CPPED1: variants seen among roughly 807,000 people sequenced by gnomAD.
CPPED1 encodes the protein serine/threonine-protein phosphatase CPPED1.
A neutral mutation model predicts 28.0 loss-of-function variants in CPPED1; 28 were observed. The ratio of observed to expected loss-of-function variants is 1.00; its 90% CI spans 0.74 to 1.37. CPPED1 has a LOEUF of 1.37. CPPED1 is among the 40% of genes most tolerant of loss of function. CPPED1 has a pLI of 0.00. For synonymous variants in CPPED1, 198 were observed against 180.2 expected (o/e 1.10, Z -0.79); for missense variants, 504 against 416.5 (o/e 1.21, Z -1.83).
intron 2 of CPPED1, among the ~76,000 whole-genome samples, chr16:12,735,187 A>G (rs527470014): frequency 6.6e-6 from 1 of 152,298 alleles, no homozygotes; most frequent in African/African-American, 2.4e-5. Flanking sequence ...AACATACTCC[A>G]TGGACCAATG....
At chr16:12,762,338 T>C (rs970307147) in intron 2 of CPPED1, among the ~76,000 whole-genome samples, 3 of 152,226 alleles carry the variant, frequency 2.0e-5, no homozygotes, top group African/African-American at 7.2e-5. Flanking sequence ...AAATATGATA[T>C]TGTACTAGTT....
chr16:12,686,392 G>C (rs1423551322), intron 3 of CPPED1, among the ~76,000 whole-genome samples: 1 of 152,112 alleles, frequency 6.6e-6, no homozygotes, highest in Non-Finnish European at 1.5e-5. Flanking sequence ...CAAATACTAT[G>C]TAAGTTGGTC....
At chr16:12,727,297 A>C (rs1189731375) in intron 2 of CPPED1, among the ~76,000 whole-genome samples, 3 of 152,224 alleles carry the variant, frequency 2.0e-5, no homozygotes, top group Non-Finnish European at 4.4e-5. Context: ...ATCAAATCCC[A>C]GAGGTTATCA....
chr16:12,733,852 G>C (rs1397343055), intron 2 of CPPED1, among the ~76,000 whole-genome samples: 4 of 152,108 alleles, frequency 2.6e-5, no homozygotes. Flanking sequence ...GCTGGGTACA[G>C]CTACTTGACT....
intron 1 of CPPED1, among the ~76,000 whole-genome samples, chr16:12,791,379 T>C (rs1403898825): frequency 6.6e-6 from 1 of 152,188 alleles, no homozygotes; most frequent in African/African-American, 2.4e-5. Flanking sequence ...TCTGTGTCCC[T>C]GCAAAGGACA....
At chr16:12,668,286 G>C (rs559177447) in intron 3 of CPPED1, among the ~76,000 whole-genome samples, 1 of 152,140 alleles carries the variant, frequency 6.6e-6, no homozygotes, top group South Asian at 2.1e-4. Flanking sequence ...ATTAACTATT[G>C]ATTTTTTTAA....
chr16:12,703,514 T>C (rs1434678595), intron 3 of CPPED1, among the ~76,000 whole-genome samples: 1 of 152,154 alleles, frequency 6.6e-6, no homozygotes, highest in East Asian at 1.9e-4. Flanking sequence ...AAACCCCATC[T>C]CTACTAAAAG....
intron 2 of CPPED1, among the ~76,000 whole-genome samples, chr16:12,741,164 G>C (rs2080253235): frequency 6.6e-6 from 1 of 152,144 alleles, no homozygotes; most frequent in Non-Finnish European, 1.5e-5. Context: ...TTAAAATATA[G>C]TGGGCAGGAC....
At chr16:12,768,934 C>T (rs970575217) in intron 2 of CPPED1, among the ~76,000 whole-genome samples, 5 of 150,552 alleles carry the variant, frequency 3.3e-5, no homozygotes, top group South Asian at 4.2e-4. Flanking sequence ...GGCACGATCT[C>T]GGCTCACTGC....
intron 2 of CPPED1, among the ~76,000 whole-genome samples, chr16:12,721,820 T>C (rs1205376930): frequency 2.0e-5 from 3 of 151,554 alleles, no homozygotes; most frequent in African/African-American, 4.9e-5. Flanking sequence ...GCCAGCAATA[T>C]GCAGAGCTGC....
At chr16:12,688,301 T>A (rs1415530929) in intron 3 of CPPED1, among the ~76,000 whole-genome samples, 2 of 150,476 alleles carry the variant, frequency 1.3e-5, no homozygotes, top group Non-Finnish European at 2.9e-5. Context: ...AAGAAACAAC[T>A]CTAAAGTGTC....
rs569262840 is a variant in CPPED1, at chr16:12,692,729, T to C, written c.715+11895A>G. 6.2e-4 allele frequency among the ~76,000 whole-genome samples: 94 copies of C among 152,338 alleles called. 2 individuals are homozygous for C. Among genetic ancestry groups the C allele is most frequent in the Middle Eastern group, 3.4e-3 (1 of 294 alleles). On this transcript the variant is annotated intron_variant, in intron 3 of 3. Coordinates refer to ENST00000381774, the MANE Select transcript of CPPED1 (RefSeq NM_018340.3). Reference sequence around the variant, plus strand: ...CACTGACCATGTCTCTCAAGAAGCCTGTTCATCTCCTGCACTTTTCGGGAG... The same window carrying C: ...CACTGACCATGTCTCTCAAGAAGCCCGTTCATCTCCTGCACTTTTCGGGAG...
rs2141159354 is a variant in CPPED1 at position 12,659,943 on chromosome 16, A to G, written c.*4943T>C. 1 of 152,322 alleles carries G rather than the reference A, an allele frequency of 6.6e-6. No individual in the cohort carries two copies. The allele number at this position is 152,322 out of a possible 1,614,324, so 9.4% of individuals were successfully genotyped here. ...AAAGAGTGTGAAGGAGCTATCAAACACAAAACCATCAGTGTCATGAGAACT... is the reference window on the plus strand; with the variant it reads ...AAAGAGTGTGAAGGAGCTATCAAACGCAAAACCATCAGTGTCATGAGAACT... On this transcript the variant is annotated 3_prime_UTR_variant, in exon 4 of 4. Coordinates refer to ENST00000381774, the MANE Select transcript of CPPED1 (RefSeq NM_018340.3).
intron 2 of CPPED1, among the ~76,000 whole-genome samples, chr16:12,751,750 T>A (rs1226439197): frequency 6.6e-6 from 1 of 152,236 alleles, no homozygotes; most frequent in Non-Finnish European, 1.5e-5. Flanking sequence ...GGACTGATAA[T>A]GTTTTACTTC....
At chr16:12,746,996 A>G (rs2141214891) in intron 2 of CPPED1, among the ~76,000 whole-genome samples, 1 of 152,158 alleles carries the variant, frequency 6.6e-6, no homozygotes, top group South Asian at 2.1e-4. Context: ...ACATATAGAA[A>G]AATGGGAAGT....
intron 2 of CPPED1, among the ~76,000 whole-genome samples, chr16:12,762,653 G>A (rs770289783): frequency 2.6e-5 from 4 of 152,158 alleles, no homozygotes; most frequent in Non-Finnish European, 4.4e-5. Flanking sequence ...CACGGACAGT[G>A]GATTAGTGGC....
intron 2 of CPPED1, among the ~76,000 whole-genome samples, chr16:12,765,381 A>T (rs996013025): frequency 5.9e-5 from 9 of 152,350 alleles, no homozygotes; most frequent in Middle Eastern, 6.8e-3. Context: ...TGGCTGCTAG[A>T]TATTTATAGC....
chr16:12,752,474 G>C (rs1012168019), intron 2 of CPPED1, among the ~76,000 whole-genome samples: 10 of 151,888 alleles, frequency 6.6e-5, no homozygotes, highest in African/African-American at 2.2e-4. Context: ...CCTTTAGATT[G>C]TTGGGAATAA....
Position 12,704,552 on chromosome 16 carries a change from G to A in CPPED1, c.715+72C>T, listed in dbSNP as rs914993415. ...CCTTTTTGACACATTGCAGAGAGAC[G>A]GGAGAAAGATCTGGAAATGCCCTCT... On this transcript the variant is annotated intron_variant, in intron 3 of 3. Coordinates refer to ENST00000381774, the MANE Select transcript of CPPED1 (RefSeq NM_018340.3). 1.1e-5 allele frequency: 16 copies of A among 1,456,124 alleles called. No individual in the cohort carries two copies. In the East Asian group the frequency reaches 1.6e-4, roughly 15 times the overall value. 90.2% of individuals were successfully genotyped at this position (1,456,124 alleles called of 1,614,324 possible).
Sources: gnomAD v4.1 joint callset for allele counts (sites outside exome capture counted in the v4.1 genomes callset) on GRCh38, gnomAD v4.1.1 for gene constraint, MANE v1.5 for transcripts, NCBI Gene and HGNC (gene_info 2026-07-23, HGNC 2026-07-21) for gene names.